The following COQ3 variants were observed in gnomAD, a reference collection of about 807,000 sequenced individuals.
COQ3 encodes coenzyme Q3, methyltransferase.
COQ3 carries 29 observed loss-of-function variants against 33.1 expected under a neutral mutation model. The observed-to-expected ratio is 0.88, with a 90% CI of 0.65 to 1.19. COQ3 has a LOEUF of 1.19. Among genes scored for constraint, COQ3 ranks in the 50% most tolerant of loss-of-function variants. The pLI, the probability that COQ3 is intolerant of heterozygous loss-of-function variation, is 0.00. For synonymous variants in COQ3, 173 were observed against 157.8 expected (o/e 1.10, Z -0.72); for missense variants, 437 against 430.7 (o/e 1.01, Z -0.13).
chr6:99,377,546 C>A, intron 3 of COQ3, 61 bp from the exon 4 acceptor site: 1 of 1,197,076 alleles, frequency 8.4e-7, no homozygotes, highest in Non-Finnish European at 1.2e-6. Flanking sequence ...CGAAAAGTCA[C>A]AAAGTGTGTA....
At chr6:99,384,954 T>C (rs1028749320) in intron 1 of COQ3, among the ~76,000 whole-genome samples, 4 of 151,986 alleles carry the variant, frequency 2.6e-5, no homozygotes, top group African/African-American at 9.7e-5. Context: ...CCACTAAAAA[T>C]ACAAAAATTA....
At chr6:99,388,083 G>A (rs1774705298) in intron 1 of COQ3, among the ~76,000 whole-genome samples, 1 of 152,144 alleles carries the variant, frequency 6.6e-6, no homozygotes, top group African/African-American at 2.4e-5. Flanking sequence ...AGAATTGCTT[G>A]AACCCAGGAG....
At chr6:99,389,712 T>A (rs1774769427) in intron 1 of COQ3, among the ~76,000 whole-genome samples, 1 of 152,214 alleles carries the variant, frequency 6.6e-6, no homozygotes, top group Admixed American at 6.5e-5. Flanking sequence ...CCAACATATC[T>A]TGGAAATTAT....
chr6:99,377,563 A>C (rs984615140), intron 3 of COQ3, 78 bp from the exon 4 acceptor site: 1 of 890,610 alleles, frequency 1.1e-6, no homozygotes, highest in African/African-American at 1.7e-5. Context: ...TGTAGTTTTC[A>C]AGGAAATATT....
At chr6:99,376,994 A>ATGTGTGTGTGTG (rs140372356) in intron 4 of COQ3, among the ~76,000 whole-genome samples, 102 of 138,934 alleles carry the variant, frequency 7.3e-4, no homozygotes, top group Admixed American at 9.3e-4. Flanking sequence ...AATATTATGG[A>ATGTGTGTGTGTG]TGTGTGTGTG....
rs769188312 is a variant in COQ3, at chr6:99,376,030, T to C, written c.639A>G (p.Ala213=). 1 of 1,614,142 alleles carries C rather than the reference T, an allele frequency of 6.2e-7. No homozygotes were observed. Among genetic ancestry groups the C allele is most frequent in the Non-Finnish European group, 8.5e-7 (1 of 1,179,964 alleles). The change falls in exon 5 of 7, where the codon GCA becomes GCG. Residue 213 remains alanine (A), a synonymous_variant. Coordinates refer to ENST00000254759, the MANE Select transcript of COQ3 (RefSeq NM_017421.4). ...CSLEEIVEET[A]ETFDAVVASE... Reference sequence around the variant, plus strand: ...AAGCTACAACAGCATCAAATGTTTCTGCAGTCTCTTCCACAATCTCTTCCA... The same window carrying C: ...AAGCTACAACAGCATCAAATGTTTCCGCAGTCTCTTCCACAATCTCTTCCA...
chr6:99,373,744 C>A (rs1281923578), intron 5 of COQ3, among the ~76,000 whole-genome samples: 4 of 152,138 alleles, frequency 2.6e-5, no homozygotes, highest in African/African-American at 9.7e-5. Context: ...GTAATCCTAG[C>A]ACTTTGGGAG....
intron 1 of COQ3, among the ~76,000 whole-genome samples, chr6:99,390,545 G>T (rs1774796830): frequency 6.6e-6 from 1 of 152,104 alleles, no homozygotes; most frequent in South Asian, 2.1e-4. Flanking sequence ...TGTTAGCCAG[G>T]ATGGTCTTGA....
chr6:99,382,792 A>C (rs1774509477), intron 2 of COQ3, among the ~76,000 whole-genome samples: 1 of 152,056 alleles, frequency 6.6e-6, no homozygotes, highest in Admixed American at 6.6e-5. Flanking sequence ...CTTCTCTACT[A>C]AAAATACAAA....
At position 99,380,527 on chromosome 6, in the gene COQ3, C is replaced by T. The variant is rs113428143; in HGVS notation, c.234-186G>A. ...CACTGCATATAAATACATCTATTCA[C>T]AGACGAAACAAAATTACTTTTCAAG... On this transcript the variant is annotated intron_variant, in intron 2 of 6. Transcript: ENST00000254759. 9.7e-3 allele frequency among the ~76,000 whole-genome samples: 1,479 copies of T among 152,256 alleles called. 21 individuals are homozygous for T. The highest frequency in any genetic ancestry group is 0.033 in the African/African-American group (1,358 of 41,540).
intron 1 of COQ3, among the ~76,000 whole-genome samples, chr6:99,390,008 G>C (rs1188307584): frequency 6.6e-6 from 1 of 152,130 alleles, no homozygotes; most frequent in East Asian, 1.9e-4. Context: ...CAGTTACTTG[G>C]GAGGCTGGGG....
Position 99,377,593 on chromosome 6 carries a change from T to C in COQ3, c.387-108A>G. On this transcript the variant is annotated intron_variant, in intron 3 of 6. Coordinates refer to ENST00000254759, the MANE Select transcript of COQ3 (RefSeq NM_017421.4). ...AATATTAACCTCCATTTAAATAAAT[T>C]ATTCATTTTTTTTATAAATAGATCT... is the stretch of plus-strand genomic sequence containing the variant. 4 of 598,192 alleles carry C rather than the reference T, an allele frequency of 6.7e-6. No homozygotes were observed. The South Asian group carries it at 1.1e-4, about 16-fold the overall frequency. The allele number at this position is 598,192 out of a possible 1,614,324, so 37.1% of individuals were successfully genotyped here. A position where few individuals can be genotyped will look rare whatever the true frequency, so the allele number is the denominator to read the frequency against.
Position 99,376,252 on chromosome 6 carries a change from C to CA in COQ3, c.487-71dup, listed in dbSNP as rs1774281634. On this transcript the variant is annotated intron_variant, in intron 4 of 6. Transcript: ENST00000254759. ...CACATGTTAGCAATAAAAAGCTTATCAAAAATGAAACAAGATTAACCATGA... is the reference window on the plus strand; with the variant it reads ...CACATGTTAGCAATAAAAAGCTTATCAAAAAATGAAACAAGATTAACCATGA... 25 of 1,517,802 alleles carry CA rather than the reference C, an allele frequency of 1.6e-5. No homozygotes were observed. The South Asian group carries it at 2.5e-4, about 15-fold the overall frequency. 94.0% of individuals were successfully genotyped at this position (1,517,802 alleles called of 1,614,324 possible).
chr6:99,393,974 G>C, intron 1 of COQ3, 100 bp downstream of exon 1: 1 of 949,366 alleles, frequency 1.1e-6, no homozygotes, highest in Non-Finnish European at 1.7e-6. Flanking sequence ...GACCCCTCGC[G>C]AGGTCCAGAG....
intron 1 of COQ3, among the ~76,000 whole-genome samples, chr6:99,391,056 G>A (rs908662504): frequency 6.6e-6 from 1 of 150,948 alleles, no homozygotes; most frequent in Admixed American, 6.7e-5. Flanking sequence ...TAAAGTTCAT[G>A]TGTCTAGGCT....
chr6:99,393,895 G>C (rs1774897453), intron 1 of COQ3, among the ~76,000 whole-genome samples, 179 bp downstream of exon 1: 1 of 152,148 alleles, frequency 6.6e-6, no homozygotes, highest in Non-Finnish European at 1.5e-5. Flanking sequence ...CCCGGCGTCC[G>C]CCAACGGGAC....
chr6:99,391,998 C>CAA lies in COQ3; in HGVS notation c.106+2074_106+2075dup, dbSNP rs71545778. On this transcript the variant is annotated intron_variant, in intron 1 of 6. Transcript: ENST00000254759. ...TGGGATACAGAGCAAGACCTTTTCT[C>CAA]AAAAAAAAAAATTAATTAATCTAAA... Among the ~76,000 whole-genome samples, 28 of 143,062 alleles carry CAA rather than the reference C, an allele frequency of 2.0e-4. 1 individual carries two copies. In the South Asian group the frequency reaches 3.1e-3, roughly 16 times the overall value. The allele number at this position is 143,062 out of a possible 152,430, so 93.9% of individuals were successfully genotyped here. A position where few individuals can be genotyped will look rare whatever the true frequency, so the allele number is the denominator to read the frequency against.
At chr6:99,371,671 C>T in intron 5 of COQ3, 84 bp from the exon 6 acceptor site, 1 of 861,708 alleles carries the variant, frequency 1.2e-6, no homozygotes, top group South Asian at 1.6e-5. Flanking sequence ...CCTCCCTCCT[C>T]CTTTCTTCCA....
chr6:99,382,351 A>G (rs1231693538), intron 2 of COQ3, among the ~76,000 whole-genome samples: 1 of 152,202 alleles, frequency 6.6e-6, no homozygotes, highest in African/African-American at 2.4e-5. Flanking sequence ...GGTAAAACAT[A>G]GTAAGGATGT....
Sources: gnomAD v4.1 joint callset for allele counts (sites outside exome capture counted in the v4.1 genomes callset) on GRCh38, gnomAD v4.1.1 for gene constraint, MANE v1.5 for transcripts, NCBI Gene and HGNC (gene_info 2026-07-23, HGNC 2026-07-21) for gene names.